The following RELN variants were observed in gnomAD, a reference collection of about 807,000 sequenced individuals.
RELN encodes the protein reelin.
Under a neutral mutation model 427.6 loss-of-function variants are expected in RELN, and 108 were observed. The ratio of observed to expected loss-of-function variants is 0.25; its 90% CI spans 0.22 to 0.30. The LOEUF is 0.30. RELN is among the 10% of genes least tolerant of loss of function. The pLI is 1.00. For missense variants in RELN, 3,715 were observed against 4,302.8 expected (o/e 0.86, Z 3.82); for synonymous variants, 1,524 against 1,513.4 (o/e 1.01, Z -0.16).
At chr7:103,675,858 C>A (rs920347578) in intron 11 of RELN, among the ~76,000 whole-genome samples, 1 of 152,080 alleles carries the variant, frequency 6.6e-6, no homozygotes, top group Non-Finnish European at 1.5e-5. Flanking sequence ...AAACTGGATC[C>A]CTTCCTTACA....
chr7:103,635,795 A>G (rs966134525), intron 18 of RELN, among the ~76,000 whole-genome samples: 2 of 152,240 alleles, frequency 1.3e-5, no homozygotes, highest in Admixed American at 6.5e-5. Context: ...CCATAAAAAT[A>G]TAACTGGATG....
At chr7:103,807,877 C>T (rs986187316) in intron 3 of RELN, among the ~76,000 whole-genome samples, 1 of 152,100 alleles carries the variant, frequency 6.6e-6, no homozygotes, top group Non-Finnish European at 1.5e-5. Context: ...CTCCTCTCTG[C>T]AATTCTATGC....
chr7:103,792,013 A>C (rs1405932768), intron 3 of RELN, among the ~76,000 whole-genome samples: 2 of 152,232 alleles, frequency 1.3e-5, no homozygotes, highest in Non-Finnish European at 2.9e-5. Context: ...ATGCAATGAA[A>C]TGAAATACCA....
At position 103,569,305 on chromosome 7, in the gene RELN, C is replaced by T. The variant is rs1293412706; in HGVS notation, c.4589-2546G>A. On this transcript the variant is annotated intron_variant, in intron 31 of 64. Coordinates refer to ENST00000428762, the MANE Select transcript of RELN (RefSeq NM_005045.4). The surrounding 1 kb of genome is among the most constrained non-coding windows in gnomAD (Gnocchi z 4.0). ...CCATCTTGGAAGTAGATCACCTAGC[C>T]CTGGCTAAGTCTTCCAGTGACTGCA... 6.6e-6 allele frequency among the ~76,000 whole-genome samples: 1 copy of T among 152,188 alleles called. No individual in the cohort carries two copies. The highest frequency in any genetic ancestry group is 1.5e-5 in the Non-Finnish European group (1 of 68,048).
chr7:103,505,453 T>C (rs1829177336), intron 51 of RELN, among the ~76,000 whole-genome samples: 1 of 152,076 alleles, frequency 6.6e-6, no homozygotes, highest in African/African-American at 2.4e-5. Context: ...TCCAGCAAAC[T>C]GCAGGAGACC....
At chr7:103,838,208 CAAAAAAAAAAA>C (rs58553259) in intron 2 of RELN, among the ~76,000 whole-genome samples, 2 of 81,082 alleles carry the variant, frequency 2.5e-5, no homozygotes, top group African/African-American at 1.0e-4. Flanking sequence ...GACTTCGTCT[CAAAAAAAAAAA>C]AAAAAAAAAA....
intron 3 of RELN, among the ~76,000 whole-genome samples, chr7:103,778,933 C>T (rs567209978): frequency 2.4e-4 from 36 of 152,290 alleles, no homozygotes; most frequent in African/African-American, 7.5e-4. Flanking sequence ...TCGTGCTTCT[C>T]TGGAACTCTT....
At chr7:103,956,085 C>T (rs1796427971) in intron 1 of RELN, among the ~76,000 whole-genome samples, 1 of 152,176 alleles carries the variant, frequency 6.6e-6, no homozygotes. Context: ...CCCAGCATCT[C>T]ATGTGTGTTC....
chr7:103,833,946 C>T lies in RELN; in HGVS notation c.338-274G>A, dbSNP rs1203182089. Among the ~76,000 whole-genome samples, 6 of 152,284 alleles carry T rather than the reference C, an allele frequency of 3.9e-5. No individual in the cohort carries two copies. In the East Asian group the frequency reaches 9.6e-4, roughly 24 times the overall value. ...ATTGATCTTTGCCTATCACCAAAAACCACCAGGACCAACCTGCAGTTGAAC... is the reference window on the plus strand; with the variant it reads ...ATTGATCTTTGCCTATCACCAAAAATCACCAGGACCAACCTGCAGTTGAAC... On this transcript the variant is annotated intron_variant, in intron 2 of 64. Transcript: ENST00000428762.
intron 50 of RELN, among the ~76,000 whole-genome samples, chr7:103,514,166 A>G (rs781393974): frequency 2.2e-4 from 33 of 152,204 alleles, no homozygotes; most frequent in Non-Finnish European, 2.9e-5. Context: ...ATACTGGCAT[A>G]ACAGTATATC....
At chr7:103,490,566 T>C (rs1828615851) in intron 59 of RELN, 102 bp downstream of exon 59, 31 of 1,258,654 alleles carry the variant, frequency 2.5e-5, no homozygotes, top group Middle Eastern at 4.7e-4. Context: ...CAGGGCTGCA[T>C]GTAAAGCTCT....
At chr7:103,727,549 G>A in intron 7 of RELN, among the ~76,000 whole-genome samples, 1 of 152,048 alleles carries the variant, frequency 6.6e-6, no homozygotes, top group East Asian at 1.9e-4. Context: ...ATATGATTTG[G>A]CAAGCAAAAG....
At position 103,865,714 on chromosome 7, in the gene RELN, A is replaced by C. The variant is rs535064107; in HGVS notation, c.338-32042T>G. On this transcript the variant is annotated intron_variant, in intron 2 of 64. Transcript: ENST00000428762. ...AATCCGAAATTCTTTCATGATAAAA[A>C]CTCTCAAAAAACTACGTACAGAAGG... is the stretch of plus-strand genomic sequence containing the variant. Among the ~76,000 whole-genome samples, 4 of 152,244 alleles carry C rather than the reference A, an allele frequency of 2.6e-5. 1 individual carries two copies. The highest frequency in any genetic ancestry group is 7.2e-5 in the African/African-American group (3 of 41,564).
intron 2 of RELN, among the ~76,000 whole-genome samples, chr7:103,854,237 T>A (rs1330675507): frequency 6.6e-6 from 1 of 152,206 alleles, no homozygotes; most frequent in African/African-American, 2.4e-5. Context: ...TAGAGGTTAT[T>A]TTAGTCCTGG....
At chr7:103,753,052 A>G (rs954424671) in intron 5 of RELN, 130 bp downstream of exon 5, 12 of 930,850 alleles carry the variant, frequency 1.3e-5, no homozygotes, top group Non-Finnish European at 2.1e-5. Context: ...CCCAAGTCCA[A>G]TTTCAGTGAC....
intron 3 of RELN, among the ~76,000 whole-genome samples, chr7:103,785,820 G>A (rs1367417975): frequency 6.6e-6 from 1 of 152,108 alleles, no homozygotes; most frequent in Non-Finnish European, 1.5e-5. Flanking sequence ...GATAATGTCT[G>A]GTTGGTCACT....
At chr7:103,591,936 T>C (rs1168596488) in intron 27 of RELN, among the ~76,000 whole-genome samples, 3 of 152,178 alleles carry the variant, frequency 2.0e-5, no homozygotes, top group Non-Finnish European at 4.4e-5. Flanking sequence ...TCTTTAAAAA[T>C]AAAAATAAAA....
chr7:103,586,882 A>G (rs1227672666), intron 28 of RELN, among the ~76,000 whole-genome samples: 1 of 152,206 alleles, frequency 6.6e-6, no homozygotes. Context: ...AAGAAACTGT[A>G]GATCACAAAA....
At chr7:103,628,636 A>G (rs1832382516) in intron 20 of RELN, among the ~76,000 whole-genome samples, 1 of 152,206 alleles carries the variant, frequency 6.6e-6, no homozygotes, top group Admixed American at 6.5e-5. Flanking sequence ...TTTACCTCTA[A>G]TTATGATAAG....
Sources: allele counts gnomAD v4.1 joint callset (sites outside exome capture counted in the v4.1 genomes callset), GRCh38; gene constraint gnomAD v4.1.1; non-coding constraint Gnocchi (gnomAD v3.1); transcripts MANE v1.5; gene names NCBI Gene and HGNC (gene_info 2026-07-23, HGNC 2026-07-21).